The following FBXL7 variants were observed in gnomAD, a reference collection of about 807,000 sequenced individuals.
The protein encoded by FBXL7 is F-box and leucine rich repeat protein 7, also known as F-box/LRR-repeat protein 7.
In FBXL7, 12 loss-of-function variants were observed where a neutral mutation model predicts 38.3. That is an observed-to-expected ratio of 0.31 (90% confidence interval 0.20 to 0.51). The LOEUF (loss-of-function observed/expected upper bound fraction) is 0.51, where lower values mean the gene tolerates loss of function less well. FBXL7 is among the 20% of genes least tolerant of loss of function. The pLI, the probability that FBXL7 is intolerant of heterozygous loss-of-function variation, is 0.98. For missense variants in FBXL7, 567 were observed against 676.4 expected (o/e 0.84, Z 1.79); for synonymous variants, 297 against 300.9 (o/e 0.99, Z 0.13).
At chr5:15,718,504 A>C (rs1439130553) in intron 2 of FBXL7, among the ~76,000 whole-genome samples, 1 of 152,200 alleles carries the variant, frequency 6.6e-6, no homozygotes, top group African/African-American at 2.4e-5. Flanking sequence ...GTCTTCATCA[A>C]TATTTGACCC....
Position 15,640,446 on chromosome 5 carries a change from A to T in FBXL7, c.127+24374A>T, listed in dbSNP as rs541048382. 2.0e-5 allele frequency among the ~76,000 whole-genome samples: 3 copies of T among 152,032 alleles called. No homozygotes were observed. The East Asian group carries it at 5.8e-4, about 29-fold the overall frequency. On this transcript the variant is annotated intron_variant, in intron 2 of 3. Coordinates refer to ENST00000504595, the MANE Select transcript of FBXL7 (RefSeq NM_012304.5). ...GTCCACTCTGCTGCAGGATAATCTC[A>T]TCTTAACTAATGACATCTGCAATGA...
rs1282132671 is a variant in FBXL7 at position 15,623,922 on chromosome 5, G to C, written c.127+7850G>C. On this transcript the variant is annotated intron_variant, in intron 2 of 3. Coordinates refer to ENST00000504595, the MANE Select transcript of FBXL7 (RefSeq NM_012304.5). ...TGTATTTCATGTAAAATTAGTAGGT[G>C]GCAAAGATTATATCAGGGCTCAAGA... Among the ~76,000 whole-genome samples the C allele has an allele frequency of 2.0e-5, 3 of 152,228 alleles. No individual in the cohort carries two copies. In the Middle Eastern group the frequency reaches 0.01, roughly 518 times the overall value.
intron 2 of FBXL7, among the ~76,000 whole-genome samples, chr5:15,661,900 A>G (rs1401707638): frequency 6.6e-6 from 1 of 152,216 alleles, no homozygotes. Flanking sequence ...TCCATGGTGT[A>G]TATGTACCAC....
At chr5:15,807,222 G>T (rs1414191703) in intron 2 of FBXL7, among the ~76,000 whole-genome samples, 1 of 152,190 alleles carries the variant, frequency 6.6e-6, no homozygotes, top group South Asian at 2.1e-4. Flanking sequence ...GATTACAGGT[G>T]TGAGCCACCA....
chr5:15,727,197 T>G (rs1735430867), intron 2 of FBXL7, among the ~76,000 whole-genome samples: 1 of 152,196 alleles, frequency 6.6e-6, no homozygotes, highest in Non-Finnish European at 1.5e-5. Flanking sequence ...AGGTAATATT[T>G]TAAATGTGTG....
At position 15,682,856 on chromosome 5, in the gene FBXL7, G is replaced by T. The variant is rs1742891526; in HGVS notation, c.127+66784G>T. On this transcript the variant is annotated intron_variant, in intron 2 of 3. Coordinates refer to ENST00000504595, the MANE Select transcript of FBXL7 (RefSeq NM_012304.5). ...GGAAACTCTTCAGCTTGTATCAGAT[G>T]CTGGAAAAATACTTTATTGTCTGAG... 2.0e-5 allele frequency among the ~76,000 whole-genome samples: 3 copies of T among 152,294 alleles called. No individual in the cohort carries two copies. The East Asian group carries it at 5.8e-4, about 29-fold the overall frequency.
intron 2 of FBXL7, among the ~76,000 whole-genome samples, chr5:15,821,701 C>A (rs1176135246): frequency 2.6e-5 from 4 of 152,184 alleles, no homozygotes; most frequent in African/African-American, 7.2e-5. Flanking sequence ...ATTTGGAAAT[C>A]TGAGATGAAA....
chr5:15,690,888 G>A (rs1245838290), intron 2 of FBXL7, among the ~76,000 whole-genome samples: 3 of 152,150 alleles, frequency 2.0e-5, no homozygotes, highest in Non-Finnish European at 4.4e-5. Flanking sequence ...TGTAATTGTA[G>A]GAATGGATTT....
intron 1 of FBXL7, among the ~76,000 whole-genome samples, chr5:15,564,771 T>C (rs1738517413): frequency 6.6e-6 from 1 of 152,086 alleles, no homozygotes; most frequent in South Asian, 2.1e-4. Context: ...GCCAGAGTTG[T>C]GTGTATGGAT....
chr5:15,511,045 C>T (rs1736783608), intron 1 of FBXL7, among the ~76,000 whole-genome samples: 1 of 152,108 alleles, frequency 6.6e-6, no homozygotes, highest in Admixed American at 6.6e-5. Context: ...TGGTTGCAGC[C>T]CAAATCTTTC....
intron 2 of FBXL7, among the ~76,000 whole-genome samples, chr5:15,878,540 T>C (rs1579559377): frequency 1.3e-5 from 2 of 152,194 alleles, no homozygotes; most frequent in East Asian, 1.9e-4. Flanking sequence ...AATTCTCAAA[T>C]TATGATCTAG....
chr5:15,591,926 G>C (rs965933092), intron 1 of FBXL7, among the ~76,000 whole-genome samples: 6 of 152,068 alleles, frequency 3.9e-5, no homozygotes, highest in African/African-American at 1.4e-4. Flanking sequence ...TGGCCAGGAT[G>C]GTCTTGATCT....
chr5:15,533,190 G>A lies in FBXL7; in HGVS notation c.37+32477G>A, dbSNP rs192429417. Among the ~76,000 whole-genome samples the A allele has an allele frequency of 1.1e-3, 162 of 152,274 alleles. No homozygotes were observed. The Middle Eastern group carries it at 0.017, about 16-fold the overall frequency. ...GATTACATGACATTGGCCAAAGGGAGCATTTCTTGGTGAATCACACTGTGT... is the reference window on the plus strand; with the variant it reads ...GATTACATGACATTGGCCAAAGGGAACATTTCTTGGTGAATCACACTGTGT... On this transcript the variant is annotated intron_variant, in intron 1 of 3. Transcript: ENST00000504595.
chr5:15,824,594 G>A (rs1738261340), intron 2 of FBXL7, among the ~76,000 whole-genome samples: 1 of 151,874 alleles, frequency 6.6e-6, no homozygotes, highest in Admixed American at 6.6e-5. Context: ...CTATTAAAAA[G>A]CTAAGTGCAA....
At chr5:15,756,621 T>G (rs1736305422) in intron 2 of FBXL7, among the ~76,000 whole-genome samples, 1 of 152,210 alleles carries the variant, frequency 6.6e-6, no homozygotes, top group South Asian at 2.1e-4. Context: ...TTTTATTAGC[T>G]GTGCTGTTCT....
chr5:15,787,147 C>A (rs1190395649), intron 2 of FBXL7, among the ~76,000 whole-genome samples: 1 of 152,130 alleles, frequency 6.6e-6, no homozygotes, highest in Non-Finnish European at 1.5e-5. Context: ...AGACTTCCGG[C>A]CCCCGGAAAC....
intron 2 of FBXL7, among the ~76,000 whole-genome samples, chr5:15,795,287 T>C (rs1042036703): frequency 6.6e-6 from 1 of 152,220 alleles, no homozygotes; most frequent in Non-Finnish European, 1.5e-5. Context: ...GTATTTACAC[T>C]CACAGAACTA....
chr5:15,632,090 A>G (rs1398217469), intron 2 of FBXL7, among the ~76,000 whole-genome samples: 1 of 152,166 alleles, frequency 6.6e-6, no homozygotes, highest in Non-Finnish European at 1.5e-5. Flanking sequence ...TTCTTTTTCC[A>G]TTGCACAAAG....
rs1741700632 is a variant in FBXL7 at position 15,651,264 on chromosome 5, T to A, written c.127+35192T>A. ...GGCACCCGCCATCATGCCTGGCTAA[T>A]TTTTTATATTTTTAGTAGAGACGGG... On this transcript the variant is annotated intron_variant, in intron 2 of 3. Transcript: ENST00000504595. 2.0e-5 allele frequency among the ~76,000 whole-genome samples: 3 copies of A among 152,030 alleles called. No homozygotes were observed. The South Asian group carries it at 6.2e-4, about 32-fold the overall frequency.
Sources: gnomAD v4.1 joint callset for allele counts (sites outside exome capture counted in the v4.1 genomes callset) on GRCh38, gnomAD v4.1.1 for gene constraint, MANE v1.5 for transcripts, NCBI Gene and HGNC (gene_info 2026-07-23, HGNC 2026-07-21) for gene names.